Variants in GOLM2 observed in about 807,000 individuals in gnomAD.
GOLM2 encodes the protein protein GOLM2.
GOLM2 carries 26 observed loss-of-function variants against 55.9 expected under a neutral mutation model. The ratio of observed to expected loss-of-function variants is 0.47; its 90% CI spans 0.34 to 0.65. The LOEUF (loss-of-function observed/expected upper bound fraction) is 0.65. Among genes scored for constraint, GOLM2 ranks in the 30% least tolerant of loss-of-function variants. The probability of loss-of-function intolerance (pLI) is 0.01; values close to 1 mark genes in which losing one functional copy is unlikely to be tolerated. For synonymous variants in GOLM2, 165 were observed against 194.6 expected (o/e 0.85, Z 1.27); for missense variants, 486 against 531.8 (o/e 0.91, Z 0.85).
At chr15:44,328,251 G>T (rs151021960) in intron 2 of GOLM2, among the ~76,000 whole-genome samples, 1 of 152,178 alleles carries the variant, frequency 6.6e-6, no homozygotes, top group Non-Finnish European at 1.5e-5. Context: ...AGGCTGTGGT[G>T]GCCAGATTGC....
Position 44,328,772 on chromosome 15 carries a change from G to T in GOLM2, c.470G>T (p.Arg157Met), listed in dbSNP as rs1450448332. 17 of 1,603,612 alleles carry T rather than the reference G, an allele frequency of 1.1e-5. No individual in the cohort carries two copies. The highest frequency in any genetic ancestry group is 1.4e-5 in the Non-Finnish European group (17 of 1,175,382). ...AAGAACAATACTTACCTTGTGAAGA[G>T]GTTAGAATATGAAAGGTAAGATGTT... is the stretch of plus-strand genomic sequence containing the variant. The part of the protein sequence containing the change: ...YRKNNTYLVK[R>M]LEYESFQCGQ... The change falls in exon 3 of 10, where the codon AGG becomes ATG. Residue 157 changes from arginine (R) to methionine (M), a missense_variant. By Grantham distance (91) the Arg-to-Met change is moderately conservative. Transcript: ENST00000299957.
chr15:44,323,315 G>C (rs1595625681), intron 2 of GOLM2, among the ~76,000 whole-genome samples: 1 of 152,004 alleles, frequency 6.6e-6, no homozygotes. Context: ...TGTAGCTTCA[G>C]AAGCCATCAA....
intron 8 of GOLM2, among the ~76,000 whole-genome samples, chr15:44,381,341 T>G (rs539261406): frequency 6.6e-6 from 1 of 152,302 alleles, no homozygotes; most frequent in South Asian, 2.1e-4. Context: ...ATAAATAGTT[T>G]TGAAAAATGG....
In GOLM2 at chr15:44,323,010, C is replaced by A; in HGVS notation, c.373C>A (p.His125Asn). The change falls in exon 2 of 10, where the codon CAT (histidine) becomes AAT (asparagine). Residue 125 changes from histidine (H) to asparagine (N), a missense_variant. Physicochemically the swap from His to Asn is moderately conservative, Grantham distance 68 (BLOSUM62 1). Coordinates refer to ENST00000299957, the MANE Select transcript of GOLM2 (RefSeq NM_138423.4). ...NISYQMADIH[H>N]LKEQLAELRQ... ...ATCGTATCAGATGGCAGACATACATCATTTAAAGGGTAAGAACCTTAATTC... is the reference window on the plus strand; with the variant it reads ...ATCGTATCAGATGGCAGACATACATAATTTAAAGGGTAAGAACCTTAATTC... 1.9e-6 allele frequency: 3 copies of A among 1,575,394 alleles called. No homozygotes were observed. Among genetic ancestry groups the A allele is most frequent in the South Asian group, 2.4e-5 (2 of 82,450 alleles).
At chr15:44,315,464 G>A (rs1323127775) in intron 1 of GOLM2, among the ~76,000 whole-genome samples, 1 of 152,140 alleles carries the variant, frequency 6.6e-6, no homozygotes. Context: ...ATTTAGAGAA[G>A]CCACGTAGGA....
chr15:44,393,763 C>T (rs747773439), intron 8 of GOLM2, among the ~76,000 whole-genome samples: 13 of 152,176 alleles, frequency 8.5e-5, no homozygotes, highest in Non-Finnish European at 1.8e-4. Context: ...GCAATCTTGG[C>T]TCACTGCAAT....
chr15:44,325,713 A>G (rs186637875), intron 2 of GOLM2, among the ~76,000 whole-genome samples: 79 of 152,318 alleles, frequency 5.2e-4, no homozygotes, highest in Middle Eastern at 3.4e-3. Flanking sequence ...TGAACTAGCT[A>G]GTTTGATCCC....
chr15:44,309,030 T>TG (rs1361344652), intron 1 of GOLM2, among the ~76,000 whole-genome samples: 1 of 152,206 alleles, frequency 6.6e-6, no homozygotes, highest in East Asian at 1.9e-4. Flanking sequence ...TACAGTCATA[T>TG]GGAAAAATGT....
At chr15:44,396,152 C>T (rs986110712) in intron 8 of GOLM2, among the ~76,000 whole-genome samples, 10 of 151,868 alleles carry the variant, frequency 6.6e-5, no homozygotes, top group Non-Finnish European at 1.3e-4. Context: ...GTCAGGAGTT[C>T]GAGACCAGCC....
At chr15:44,327,498 C>G (rs755140291) in intron 2 of GOLM2, among the ~76,000 whole-genome samples, 85 of 152,024 alleles carry the variant, frequency 5.6e-4, no homozygotes, top group Non-Finnish European at 1.1e-3. Context: ...AATTCTGTAA[C>G]CCTTCTGTAA....
At chr15:44,300,255 AAGGG>A (rs1302059226) in intron 1 of GOLM2, among the ~76,000 whole-genome samples, 5 of 149,964 alleles carry the variant, frequency 3.3e-5, no homozygotes, top group African/African-American at 7.4e-5. Context: ...AGAAAGGAAG[AAGGG>A]AGGGAGGAAG....
At chr15:44,338,165 T>A (rs2079069642) in intron 5 of GOLM2, 72 bp from the exon 6 acceptor site, 1 of 1,428,144 alleles carries the variant, frequency 7.0e-7, no homozygotes, top group East Asian at 2.3e-5. Flanking sequence ...AACTGATTGT[T>A]ACATTCCTTC....
In GOLM2 at chr15:44,413,319, A is replaced by G. The variant is rs754681350; in HGVS notation, c.1241-17A>G. On this transcript the variant is annotated splice_polypyrimidine_tract_variant and intron_variant, in intron 9 of 9. Transcript: ENST00000299957. ...TTTAAAAAATAATATGTTGATACAA[A>G]ATTATTTTACTTACAGATGATGAAG... 6.3e-6 allele frequency: 10 copies of G among 1,583,936 alleles called. No homozygotes were observed. The African/African-American group carries it at 1.2e-4, about 19-fold the overall frequency.
intron 1 of GOLM2, among the ~76,000 whole-genome samples, chr15:44,293,649 GAAGTA>G (rs2141103666): frequency 6.6e-6 from 1 of 152,276 alleles, no homozygotes; most frequent in Admixed American, 6.5e-5. Flanking sequence ...AAAGACCACA[GAAGTA>G]AAGTACCAAT....
rs369337473 is a variant in GOLM2, at chr15:44,408,949, C to T, written c.1241-4387C>T. Among the ~76,000 whole-genome samples, 684 of 151,096 alleles carry T rather than the reference C, an allele frequency of 4.5e-3. 4 individuals carry two copies. The highest frequency in any genetic ancestry group is 0.016 in the African/African-American group (649 of 41,132). ...CTGCACTCCAGCCTGGGCAACAGAG[C>T]GAGACTACGTCTCAAAACAAACAAG... On this transcript the variant is annotated intron_variant, in intron 9 of 9. Coordinates refer to ENST00000299957, the MANE Select transcript of GOLM2 (RefSeq NM_138423.4).
chr15:44,306,304 C>CT (rs1194649572), intron 1 of GOLM2, among the ~76,000 whole-genome samples: 15 of 147,400 alleles, frequency 1.0e-4, no homozygotes, highest in East Asian at 3.9e-4. Flanking sequence ...ATGGAGATTG[C>CT]TTTTTTTTTT....
At chr15:44,318,226 A>T (rs1027736176) in intron 1 of GOLM2, among the ~76,000 whole-genome samples, 2 of 151,518 alleles carry the variant, frequency 1.3e-5, no homozygotes, top group African/African-American at 2.4e-5. Flanking sequence ...TCAGCTATTT[A>T]AAAAAAAATG....
At chr15:44,370,552 A>G (rs1476613400) in intron 6 of GOLM2, among the ~76,000 whole-genome samples, 2 of 152,000 alleles carry the variant, frequency 1.3e-5, no homozygotes, top group Non-Finnish European at 2.9e-5. Flanking sequence ...ACTAGAACAA[A>G]CCCCAACTCT....
At chr15:44,322,528 C>A (rs1470504583) in intron 1 of GOLM2, among the ~76,000 whole-genome samples, 1 of 152,100 alleles carries the variant, frequency 6.6e-6, no homozygotes, top group Non-Finnish European at 1.5e-5. Context: ...ATAACTGAGA[C>A]AGAGTGGTTA....
Sources: gnomAD v4.1 joint callset for allele counts (sites outside exome capture counted in the v4.1 genomes callset) on GRCh38, gnomAD v4.1.1 for gene constraint, MANE v1.5 for transcripts, NCBI Gene and HGNC (gene_info 2026-07-23, HGNC 2026-07-21) for gene names.